The following MSRB3 variants were observed in gnomAD, a reference collection of about 807,000 sequenced individuals.
MSRB3 encodes the protein methionine sulfoxide reductase B3, also known as methionine-R-sulfoxide reductase B3.
MSRB3 carries 13 observed loss-of-function variants against 21.0 expected under a neutral mutation model. The ratio of observed to expected loss-of-function variants is 0.62; its 90% CI spans 0.40 to 0.98. MSRB3 has a LOEUF of 0.98. MSRB3 is among the 50% of genes least tolerant of loss of function. The probability of loss-of-function intolerance (pLI) is 0.00; values close to 1 mark genes in which losing one functional copy is unlikely to be tolerated. For missense variants in MSRB3, 199 were observed against 230.3 expected, an observed-to-expected ratio of 0.86 and a Z score of 0.88; for synonymous variants, 87 against 88.6, an observed-to-expected ratio of 0.98 and a Z score of 0.10.
intron 4 of MSRB3, among the ~76,000 whole-genome samples, chr12:65,357,612 C>T: frequency 6.6e-6 from 1 of 151,892 alleles, no homozygotes; most frequent in East Asian, 1.9e-4. Flanking sequence ...ATCCAGGATA[C>T]CACACATTTA....
intron 5 of MSRB3, among the ~76,000 whole-genome samples, chr12:65,433,604 T>C (rs1324586860): frequency 6.6e-6 from 1 of 151,866 alleles, no homozygotes; most frequent in Non-Finnish European, 1.5e-5. Flanking sequence ...TTCATCACCC[T>C]CCTGCTTCAC....
In MSRB3 at chr12:65,419,753, G is replaced by A. The variant is rs74099835; in HGVS notation, c.293-33975G>A. On this transcript the variant is annotated intron_variant, in intron 5 of 6. Transcript: ENST00000308259. Reference sequence around the variant, plus strand: ...ACTCTGTCCAGGTAGTAGGCCAGGCGGTCTTCAGGCTTTGCATGGTCTCCT... The same window carrying A: ...ACTCTGTCCAGGTAGTAGGCCAGGCAGTCTTCAGGCTTTGCATGGTCTCCT... 2,293 of 1,031,616 alleles carry A rather than the reference G, an allele frequency of 2.2e-3. 33 individuals are homozygous for A. The African/African-American group carries it at 0.032, about 14-fold the overall frequency. The allele number at this position is 1,031,616 out of a possible 1,614,324, so 63.9% of individuals were successfully genotyped here.
chr12:65,340,740 A>C (rs1876082453), intron 4 of MSRB3, among the ~76,000 whole-genome samples: 1 of 152,150 alleles, frequency 6.6e-6, no homozygotes, highest in Non-Finnish European at 1.5e-5. Context: ...ACTAGAAATG[A>C]GAATAAGATA....
intron 1 of MSRB3, among the ~76,000 whole-genome samples, chr12:65,282,707 G>C (rs1188331480): frequency 7.1e-6 from 1 of 141,774 alleles, no homozygotes; most frequent in Non-Finnish European, 1.5e-5. Context: ...TTCATGGTTA[G>C]ATGTGGCTGC....
At chr12:65,337,953 T>C (rs747265870) in intron 4 of MSRB3, among the ~76,000 whole-genome samples, 3 of 152,212 alleles carry the variant, frequency 2.0e-5, no homozygotes, top group Non-Finnish European at 4.4e-5. Flanking sequence ...TTTGAGATAA[T>C]AGATTATGAT....
At chr12:65,287,815 T>C (rs1455428554) in intron 1 of MSRB3, among the ~76,000 whole-genome samples, 1 of 152,204 alleles carries the variant, frequency 6.6e-6, no homozygotes, top group Non-Finnish European at 1.5e-5. Context: ...TAGGCTCATT[T>C]ACATATTTGC....
intron 5 of MSRB3, among the ~76,000 whole-genome samples, chr12:65,395,954 G>A (rs77685179): frequency 0.047 from 7,214 of 152,054 alleles, 577 homozygotes; most frequent in African/African-American, 0.17. Flanking sequence ...CAAATAACCC[G>A]CTTTTGGTTT....
intron 5 of MSRB3, among the ~76,000 whole-genome samples, chr12:65,381,630 A>G (rs1442033201): frequency 6.6e-6 from 1 of 152,098 alleles, no homozygotes. Flanking sequence ...TTATGTCTTG[A>G]TAAATTTTTC....
intron 5 of MSRB3, chr12:65,419,983 A>T (rs12823032): frequency 0.079 from 44,496 of 561,812 alleles, 2,221 homozygotes; most frequent in Middle Eastern, 0.099. Flanking sequence ...AGGGATGGGT[A>T]GGTAGTTGGT....
chr12:65,279,234 G>A, intron 1 of MSRB3: 1 of 321,326 alleles, frequency 3.1e-6, no homozygotes, highest in South Asian at 4.6e-5. Flanking sequence ...GCAGGGGAGG[G>A]GTCCATCCCG....
chr12:65,362,771 G>C (rs1414278933), intron 4 of MSRB3, among the ~76,000 whole-genome samples: 2 of 152,118 alleles, frequency 1.3e-5, no homozygotes, highest in Non-Finnish European at 2.9e-5. Context: ...ATAGTAGAGT[G>C]GGGGAGGGAG....
At chr12:65,378,348 C>A (rs540051321) in intron 5 of MSRB3, among the ~76,000 whole-genome samples, 16 of 152,234 alleles carry the variant, frequency 1.1e-4, no homozygotes, top group African/African-American at 3.9e-4. Context: ...TATAATAGGT[C>A]ACCTCAAAAA....
chr12:65,389,517 T>C (rs1377113124), intron 5 of MSRB3, among the ~76,000 whole-genome samples: 2 of 152,204 alleles, frequency 1.3e-5, no homozygotes, highest in Non-Finnish European at 2.9e-5. Flanking sequence ...CTTCATTTAT[T>C]GAGGATTTTA....
intron 5 of MSRB3, among the ~76,000 whole-genome samples, chr12:65,420,767 C>G (rs1881249634): frequency 6.6e-6 from 1 of 152,154 alleles, no homozygotes; most frequent in Non-Finnish European, 1.5e-5. Flanking sequence ...ATAATGGCCT[C>G]CAGCTCCATC....
At chr12:65,426,952 A>G (rs1210026802) in intron 5 of MSRB3, among the ~76,000 whole-genome samples, 2 of 151,954 alleles carry the variant, frequency 1.3e-5, no homozygotes, top group Non-Finnish European at 2.9e-5. Flanking sequence ...AATCTTATGG[A>G]ATTATTTCTC....
intron 1 of MSRB3, among the ~76,000 whole-genome samples, chr12:65,295,030 T>C (rs1872877374): frequency 6.6e-6 from 1 of 152,150 alleles, no homozygotes; most frequent in Non-Finnish European, 1.5e-5. Flanking sequence ...GAGATGGCAC[T>C]ATGTTGCCCA....
At chr12:65,349,771 G>A (rs1444579885) in intron 4 of MSRB3, among the ~76,000 whole-genome samples, 1 of 150,684 alleles carries the variant, frequency 6.6e-6, no homozygotes, top group East Asian at 1.9e-4. Context: ...TTTTTTTCTT[G>A]TAAATTTGTT....
chr12:65,465,037 T>C lies in MSRB3; in HGVS notation c.*1715T>C, dbSNP rs561015496. ...AAAATTAAACTGATCTGGTTCTAAT[T>C]GCCTCAAAGGCCAAAGCCCAGGCAT... On this transcript the variant is annotated 3_prime_UTR_variant, in exon 7 of 7. Coordinates refer to ENST00000308259, the MANE Select transcript of MSRB3 (RefSeq NM_001031679.3). 3 of 152,226 alleles carry C rather than the reference T, an allele frequency of 2.0e-5. No individual in the cohort carries two copies. The highest frequency in any genetic ancestry group is 4.4e-5 in the Non-Finnish European group (3 of 68,044). The allele number at this position is 152,226 out of a possible 1,614,324, so 9.4% of individuals were successfully genotyped here. A position where few individuals can be genotyped will look rare whatever the true frequency, so the allele number is the denominator to read the frequency against.
At position 65,338,949 on chromosome 12, in the gene MSRB3, CA is replaced by C. The variant is rs1875960292; in HGVS notation, c.263+10347del. On this transcript the variant is annotated intron_variant, in intron 4 of 6. Coordinates refer to ENST00000308259, the MANE Select transcript of MSRB3 (RefSeq NM_001031679.3). ...GAAATTAGCCAGGTGTGGCGGCATG[CA>C]CCAGTAGTCCCAGTTACTTGGGAGG... is the stretch of plus-strand genomic sequence containing the variant. Among the ~76,000 whole-genome samples, 4 of 152,074 alleles carry C rather than the reference CA, an allele frequency of 2.6e-5. No individual in the cohort carries two copies. The South Asian group carries it at 8.3e-4, about 32-fold the overall frequency.
Sources: gnomAD v4.1 joint callset for allele counts (sites outside exome capture counted in the v4.1 genomes callset) on GRCh38, gnomAD v4.1.1 for gene constraint, MANE v1.5 for transcripts, NCBI Gene and HGNC (gene_info 2026-07-23, HGNC 2026-07-21) for gene names.